The following DNAH12 variants were observed in gnomAD, a reference collection of about 807,000 sequenced individuals.
DNAH12 encodes dynein axonemal heavy chain 12, also known as axonemal beta dynein heavy chain 12.
DNAH12 carries 285 observed loss-of-function variants against 371.5 expected under a neutral mutation model. The ratio of observed to expected loss-of-function variants is 0.77; its 90% CI spans 0.70 to 0.85. The LOEUF (loss-of-function observed/expected upper bound fraction) is 0.85, where lower values mean the gene tolerates loss of function less well. Ranked by LOEUF, DNAH12 falls within the 40% of genes least tolerant of loss-of-function variation. The pLI is 0.00. For synonymous variants in DNAH12, 1,200 were observed against 1,213.0 expected (o/e 0.99, Z 0.22); for missense variants, 3,611 against 3,689.4 (o/e 0.98, Z 0.55).
intron 60 of DNAH12, among the ~76,000 whole-genome samples, chr3:57,349,712 C>T (rs150286380): frequency 9.2e-5 from 14 of 152,216 alleles, no homozygotes; most frequent in Non-Finnish European, 1.6e-4. Context: ...TATTTTGAGA[C>T]GGAGTCCCAC....
chr3:57,314,418 T>C lies in DNAH12; in HGVS notation c.10662+76A>G. 3 of 1,523,552 alleles carry C rather than the reference T, an allele frequency of 2.0e-6. No homozygotes were observed. In the East Asian group the frequency reaches 7.4e-5, roughly 38 times the overall value. The allele number at this position is 1,523,552 out of a possible 1,614,324, so 94.4% of individuals were successfully genotyped here. Reference sequence around the variant, plus strand: ...TTAGTGTTGGGAGAAGTGAATCAGCTATTCCAAGCAAAAGACTTGCCTAGG... The same window carrying C: ...TTAGTGTTGGGAGAAGTGAATCAGCCATTCCAAGCAAAAGACTTGCCTAGG... On this transcript the variant is annotated intron_variant, in intron 66 of 73. Coordinates refer to ENST00000495027, the MANE Select transcript of DNAH12 (RefSeq NM_001366028.2).
At position 57,322,380 on chromosome 3, in the gene DNAH12, T is replaced by C; in HGVS notation, c.10487A>G (p.Asp3496Gly). 1 of 1,551,742 alleles carries C rather than the reference T, an allele frequency of 6.4e-7. No homozygotes were observed. ...ACGGCATCCCTTGAAAAACTCAGGA[T>C]CAGAAACTGGATCAGTGAGATATGA... ...LQSYLTDPVS[D>G]PEFFKGCRGK... The change falls in exon 65 of 74, where the codon GAT (aspartate) becomes GGT (glycine). Residue 3496 changes from aspartate (D) to glycine (G), a missense_variant. Physicochemically the swap from Asp to Gly is moderately conservative, Grantham distance 94. Coordinates refer to ENST00000495027, the MANE Select transcript of DNAH12 (RefSeq NM_001366028.2).
At chr3:57,520,418 AT>A (rs2068376551) in intron 4 of DNAH12, among the ~76,000 whole-genome samples, 1 of 139,336 alleles carries the variant, frequency 7.2e-6, no homozygotes, top group Admixed American at 7.2e-5. Flanking sequence ...TTTCCTTTTT[AT>A]TTTTATTTTA....
At chr3:57,294,375 C>A (rs1436728314) in intron 73 of DNAH12, among the ~76,000 whole-genome samples, 2 of 152,136 alleles carry the variant, frequency 1.3e-5, no homozygotes. Context: ...CGGGGTTTCA[C>A]TATGTTGGCC....
Position 57,326,448 on chromosome 3 carries a change from C to A in DNAH12, c.9979-2829G>T, listed in dbSNP as rs572756620. On this transcript the variant is annotated intron_variant, in intron 62 of 73. Coordinates refer to ENST00000495027, the MANE Select transcript of DNAH12 (RefSeq NM_001366028.2). Reference sequence around the variant, plus strand: ...GAATTTTCAACCCAGAATTTCATATCCAGCCAAACTAAGCTTCAGAAGTGA... The same window carrying A: ...GAATTTTCAACCCAGAATTTCATATACAGCCAAACTAAGCTTCAGAAGTGA... Among the ~76,000 whole-genome samples, 75 of 152,254 alleles carry A rather than the reference C, an allele frequency of 4.9e-4. 1 individual carries two copies. Among genetic ancestry groups the A allele is most frequent in the South Asian group, 4.2e-4 (2 of 4,818 alleles).
At chr3:57,326,502 C>G (rs2061950973) in intron 62 of DNAH12, among the ~76,000 whole-genome samples, 1 of 152,136 alleles carries the variant, frequency 6.6e-6, no homozygotes, top group African/African-American at 2.4e-5. Flanking sequence ...TACAGACAAA[C>G]AAATGCTGAG....
intron 24 of DNAH12, 103 bp from the exon 25 acceptor site, chr3:57,453,118 T>C (rs1460387729): frequency 1.4e-6 from 2 of 1,461,380 alleles, no homozygotes; most frequent in African/African-American, 2.9e-5. Flanking sequence ...AAATAATTCA[T>C]GTTTGCCAAC....
chr3:57,376,363 A>G (rs1286137569), intron 53 of DNAH12, among the ~76,000 whole-genome samples: 1 of 152,176 alleles, frequency 6.6e-6, no homozygotes, highest in Non-Finnish European at 1.5e-5. Context: ...ATTACCAAAA[A>G]TTACATTTAA....
At position 57,461,533 on chromosome 3, in the gene DNAH12, T is replaced by A; in HGVS notation, c.2692A>T (p.Met898Leu). 6.4e-7 allele frequency: 1 copy of A among 1,551,372 alleles called. No individual in the cohort carries two copies. The highest frequency in any genetic ancestry group is 2.4e-5 in the East Asian group (1 of 40,842). ...GGTTTGATGAAAGGTGAGCCTCTCA[T>A]TGTCTGAGTTTTTATAATTTGATCA... ...LDDQIIKTQT[M>L]RGSPFIKPFE... Residue 898 changes from methionine (M) to leucine (L), a missense_variant, in exon 19 of 74, where the codon ATG (methionine) becomes TTG (leucine). Met to Leu is a conservative substitution (Grantham distance 15). This residue lies in a region of DNAH12 where 1,314 missense variants were observed against 1,398.7 expected (regional missense o/e 0.94). Coordinates refer to ENST00000495027, the MANE Select transcript of DNAH12 (RefSeq NM_001366028.2).
chr3:57,366,258 T>A (rs2063049210), intron 57 of DNAH12, among the ~76,000 whole-genome samples: 1 of 152,168 alleles, frequency 6.6e-6, no homozygotes, highest in African/African-American at 2.4e-5. Context: ...TGTCAAAAAG[T>A]TACCCTCTAT....
At chr3:57,341,865 T>C (rs1553656294) in intron 60 of DNAH12, among the ~76,000 whole-genome samples, 3 of 128,988 alleles carry the variant, frequency 2.3e-5, no homozygotes, top group African/African-American at 6.7e-5. Flanking sequence ...CTTCGAAATA[T>C]ACTACCAAAG....
In DNAH12 at chr3:57,334,947, T is replaced by G. The variant is rs2062188481; in HGVS notation, c.9675-7A>C. On this transcript the variant is annotated splice_polypyrimidine_tract_variant and splice_region_variant and intron_variant, in intron 60 of 73. Transcript: ENST00000495027. ...TTCAATCTCTTTCCTTGCCCTGTATTCCCAAAATAAGGACTGTTATATAAT... is the reference window on the plus strand; with the variant it reads ...TTCAATCTCTTTCCTTGCCCTGTATGCCCAAAATAAGGACTGTTATATAAT... The G allele has an allele frequency of 7.1e-6, 11 of 1,538,590 alleles. No individual in the cohort carries two copies. Among genetic ancestry groups the G allele is most frequent in the Non-Finnish European group, 9.6e-6 (11 of 1,143,750 alleles).
At chr3:57,387,052 CTTCA>C (rs1438647849) in intron 46 of DNAH12, 30 bp downstream of exon 46, 29 of 152,250 alleles carry the variant, frequency 1.9e-4, no homozygotes, top group Non-Finnish European at 8.8e-5. Context: ...TCACAAATCC[CTTCA>C]TTGTCATTTT....
chr3:57,491,874 C>T (rs1575678458), intron 11 of DNAH12, among the ~76,000 whole-genome samples: 2 of 151,938 alleles, frequency 1.3e-5, no homozygotes, highest in South Asian at 2.1e-4. Flanking sequence ...GGTGTTGTGG[C>T]GTGTGCCTGT....
At chr3:57,406,887 A>G (rs1399970496) in intron 40 of DNAH12, among the ~76,000 whole-genome samples, 1 of 152,166 alleles carries the variant, frequency 6.6e-6, no homozygotes, top group Admixed American at 6.5e-5. Context: ...TAGTCAAAAA[A>G]GGAAAACAAA....
At chr3:57,421,807 C>T (rs2064590678) in intron 35 of DNAH12, 101 bp from the exon 36 acceptor site, 1 of 1,303,262 alleles carries the variant, frequency 7.7e-7, no homozygotes, top group African/African-American at 1.5e-5. Context: ...GCTCAACTTA[C>T]TTGAACAAGG....
chr3:57,504,418 TA>T (rs1054686261), intron 8 of DNAH12, among the ~76,000 whole-genome samples: 8 of 151,434 alleles, frequency 5.3e-5, no homozygotes, highest in African/African-American at 1.2e-4. Context: ...TATATATACA[TA>T]TTTTTTTTTA....
intron 28 of DNAH12, 150 bp from the exon 29 acceptor site, chr3:57,444,966 TA>T (rs2065435713): frequency 4.8e-6 from 5 of 1,043,238 alleles, no homozygotes; most frequent in Non-Finnish European, 6.3e-6. Context: ...ATCCCTATAA[TA>T]AAAAGTCAAT....
chr3:57,411,774 C>T (rs2153355767), intron 39 of DNAH12, among the ~76,000 whole-genome samples: 1 of 152,122 alleles, frequency 6.6e-6, no homozygotes, highest in South Asian at 2.1e-4. Flanking sequence ...CATGTAGATT[C>T]AACGCAATCC....
Sources: allele counts gnomAD v4.1 joint callset (sites outside exome capture counted in the v4.1 genomes callset), GRCh38; gene constraint gnomAD v4.1.1; regional missense constraint gnomAD v4.1.1; transcripts MANE v1.5; gene names NCBI Gene and HGNC (gene_info 2026-07-23, HGNC 2026-07-21).